The following LNX2 variants were observed in gnomAD, a reference collection of about 807,000 sequenced individuals.
LNX2 encodes the protein ligand of numb-protein X 2.
In LNX2, 35 loss-of-function variants were observed where a neutral mutation model predicts 66.2. That is an observed-to-expected ratio of 0.53 (90% CI 0.40 to 0.70). The LOEUF (loss-of-function observed/expected upper bound fraction) is 0.70, where lower values mean the gene tolerates loss of function less well. LNX2 is among the 30% of genes least tolerant of loss of function. LNX2 has a pLI of 0.00. For missense variants in LNX2, 791 were observed against 850.8 expected, an observed-to-expected ratio of 0.93 and a Z score of 0.87; for synonymous variants, 337 against 315.6, an observed-to-expected ratio of 1.07 and a Z score of -0.72.
intron 9 of LNX2, among the ~76,000 whole-genome samples, chr13:27,549,524 GTCC>G (rs1954981718): frequency 6.6e-6 from 1 of 152,152 alleles, no homozygotes; most frequent in Non-Finnish European, 1.5e-5. Flanking sequence ...GAGCCAGATA[GTCC>G]TGGGTTTGAA....
rs755293057 is a variant in LNX2, at chr13:27,581,653, AGAG to A, written c.48_50del (p.Ser18del). 6.1e-5 allele frequency: 98 copies of A among 1,613,812 alleles called. No individual in the cohort carries two copies. Among genetic ancestry groups the A allele is most frequent in the Non-Finnish European group, 7.0e-5 (83 of 1,179,886 alleles). Reference sequence around the variant, plus strand: ...ATTCAAAACACAGGGGGTTTAGAGAAGAGGAGGAGGTCTGTTCCACAGACACCA... The same window carrying A: ...ATTCAAAACACAGGGGGTTTAGAGAAGAGGAGGTCTGTTCCACAGACACCA... On this transcript the variant is annotated inframe_deletion, in exon 2 of 10. Transcript: ENST00000316334.
chr13:27,551,192 C>A (rs1296072574), intron 8 of LNX2, among the ~76,000 whole-genome samples: 1 of 151,936 alleles, frequency 6.6e-6, no homozygotes, highest in Non-Finnish European at 1.5e-5. Flanking sequence ...GAGGCTGAGA[C>A]AGGAGGATGG....
chr13:27,614,299 G>A (rs1955804253), intron 1 of LNX2, among the ~76,000 whole-genome samples: 1 of 152,152 alleles, frequency 6.6e-6, no homozygotes, highest in Non-Finnish European at 1.5e-5. Flanking sequence ...TACTCCCTCA[G>A]ATAACATCAC....
At chr13:27,584,829 C>A (rs1036343550) in intron 1 of LNX2, among the ~76,000 whole-genome samples, 2 of 152,064 alleles carry the variant, frequency 1.3e-5, no homozygotes, top group African/African-American at 4.8e-5. Flanking sequence ...TAAAATAATA[C>A]CAGCAAGGCT....
intron 7 of LNX2, among the ~76,000 whole-genome samples, chr13:27,555,819 T>C (rs183061717): frequency 6.6e-6 from 1 of 152,362 alleles, no homozygotes; most frequent in African/African-American, 2.4e-5. Flanking sequence ...TGATAGGGAA[T>C]ATGAAATGGC....
Position 27,581,770 on chromosome 13 carries a change from G to A in LNX2, c.-67C>T, listed in dbSNP as rs2138395310. 5.9e-6 allele frequency: 8 copies of A among 1,354,274 alleles called. No individual in the cohort carries two copies. The highest frequency in any genetic ancestry group is 7.0e-6 in the Non-Finnish European group (7 of 994,626). The allele number at this position is 1,354,274 out of a possible 1,614,324, so 83.9% of individuals were successfully genotyped here. A position where few individuals can be genotyped will look rare whatever the true frequency, so the allele number is the denominator to read the frequency against. ...CACGCTTGGTTTCCTTTAACAGACA[G>A]TGATGTATCTGACTAAAGTCAAGGT... On this transcript the variant is annotated 5_prime_UTR_variant, in exon 2 of 10. Transcript: ENST00000316334.
At chr13:27,574,993 G>C (rs1160395071) in intron 2 of LNX2, among the ~76,000 whole-genome samples, 1 of 152,194 alleles carries the variant, frequency 6.6e-6, no homozygotes, top group Non-Finnish European at 1.5e-5. Flanking sequence ...AAAAATAAAA[G>C]AGAAATTGAG....
chr13:27,604,098 C>CA (rs1228052384), intron 1 of LNX2, among the ~76,000 whole-genome samples: 2 of 152,052 alleles, frequency 1.3e-5, no homozygotes, highest in East Asian at 1.9e-4. Context: ...ACTAAAAATA[C>CA]AAAAAACTAA....
intron 1 of LNX2, among the ~76,000 whole-genome samples, chr13:27,597,343 T>C (rs60518879): frequency 0.017 from 2,592 of 152,224 alleles, 89 homozygotes; most frequent in African/African-American, 0.059. Context: ...AAAAGAGTAA[T>C]TTCTATTGCA....
chr13:27,603,031 C>T lies in LNX2; in HGVS notation c.-101+17344G>A, dbSNP rs184713242. ...ACTTTTTTCTACTTTCAAGAAGTCA[C>T]ATGATTTAAACTACACTTTCATTCA... On this transcript the variant is annotated intron_variant, in intron 1 of 9. Coordinates refer to ENST00000316334, the MANE Select transcript of LNX2 (RefSeq NM_153371.4). Among the ~76,000 whole-genome samples, 282 of 152,220 alleles carry T rather than the reference C, an allele frequency of 1.9e-3. 1 individual carries two copies. The highest frequency in any genetic ancestry group is 2.1e-3 in the Non-Finnish European group (145 of 68,008).
intron 6 of LNX2, among the ~76,000 whole-genome samples, chr13:27,559,575 C>T (rs921523563): frequency 2.0e-5 from 3 of 152,196 alleles, no homozygotes; most frequent in African/African-American, 4.8e-5. Context: ...TCTTGTTAAT[C>T]GCCTGGCAAA....
chr13:27,562,312 T>C, intron 5 of LNX2, 101 bp downstream of exon 5: 1 of 1,395,552 alleles, frequency 7.2e-7, no homozygotes, highest in Admixed American at 2.3e-5. Flanking sequence ...TAATGAAATA[T>C]AAAATGTCCC....
chr13:27,614,290 A>T (rs1453913468), intron 1 of LNX2, among the ~76,000 whole-genome samples: 1 of 152,100 alleles, frequency 6.6e-6, no homozygotes, highest in Non-Finnish European at 1.5e-5. Flanking sequence ...TTGCCCAATT[A>T]CTCCCTCAGA....
chr13:27,569,113 G>A lies in LNX2; in HGVS notation c.571C>T (p.His191Tyr). The A allele has an allele frequency of 6.2e-7, 1 of 1,613,344 alleles. No individual in the cohort carries two copies. Among genetic ancestry groups the A allele is most frequent in the Non-Finnish European group, 8.5e-7 (1 of 1,179,750 alleles). The part of the protein sequence containing the change: ...LGTGAVPVER[H>Y]LTSASLSTWS... ...GTGGAAAGAGACGCTGATGTCAAGT[G>A]CCGCTCCACAGGCACTGCGCCTGTC... The change falls in exon 3 of 10, where the codon CAC becomes TAC. Residue 191 changes from histidine (H) to tyrosine (Y), a missense_variant. By Grantham distance (83) the His-to-Tyr change is moderately conservative (BLOSUM62 2). Transcript: ENST00000316334.
chr13:27,619,652 G>A (rs1001158196), intron 1 of LNX2, among the ~76,000 whole-genome samples: 2 of 152,190 alleles, frequency 1.3e-5, no homozygotes, highest in African/African-American at 4.8e-5. Context: ...TGGTACAAAC[G>A]AACGTCTGGA....
At position 27,593,941 on chromosome 13, in the gene LNX2, ACT is replaced by A. The variant is rs1034779157; in HGVS notation, c.-100-12140_-100-12139del. Among the ~76,000 whole-genome samples the A allele has an allele frequency of 8.7e-5, 13 of 149,100 alleles. 1 individual carries two copies. The South Asian group carries it at 1.3e-3, about 15-fold the overall frequency. ...TTCTTGTTCTTGTTCTCATCCTATC[ACT>A]CTTTTGTAACAGCTGTCCAATTACT... On this transcript the variant is annotated intron_variant, in intron 1 of 9. Transcript: ENST00000316334.
chr13:27,587,236 T>C (rs1955497006), intron 1 of LNX2, among the ~76,000 whole-genome samples: 1 of 151,926 alleles, frequency 6.6e-6, no homozygotes, highest in African/African-American at 2.4e-5. Context: ...GGCCCATCCT[T>C]CTCATTCCTT....
chr13:27,591,987 G>C, intron 1 of LNX2, among the ~76,000 whole-genome samples: 1 of 152,228 alleles, frequency 6.6e-6, no homozygotes, highest in Non-Finnish European at 1.5e-5. Context: ...CAATGGCCTT[G>C]AGGCGAGAAT....
chr13:27,584,348 C>G (rs1351381360), intron 1 of LNX2, among the ~76,000 whole-genome samples: 2 of 145,638 alleles, frequency 1.4e-5, no homozygotes, highest in African/African-American at 5.1e-5. Flanking sequence ...GTCAGGAGTT[C>G]GAGACTAGCC....
Sources: gnomAD v4.1 joint callset for allele counts (sites outside exome capture counted in the v4.1 genomes callset) on GRCh38, gnomAD v4.1.1 for gene constraint, MANE v1.5 for transcripts, NCBI Gene and HGNC (gene_info 2026-07-23, HGNC 2026-07-21) for gene names.